Variants in ERC2 observed in about 807,000 individuals in gnomAD.
The protein encoded by ERC2 is ERC protein 2.
A neutral mutation model predicts 114.8 loss-of-function variants in ERC2; 42 were observed. The ratio of observed to expected loss-of-function variants is 0.37; its 90% CI spans 0.29 to 0.47. The LOEUF (loss-of-function observed/expected upper bound fraction) is 0.47. Among genes scored for constraint, ERC2 ranks in the 20% least tolerant of loss-of-function variants. The probability of loss-of-function intolerance (pLI) is 0.99; values close to 1 mark genes in which losing one functional copy is unlikely to be tolerated. For missense variants in ERC2, 939 were observed against 1,150.7 expected (o/e 0.82, Z 2.66); for synonymous variants, 454 against 425.5 (o/e 1.07, Z -0.82).
At chr3:56,380,688 G>C (rs1024568963) in intron 2 of ERC2, among the ~76,000 whole-genome samples, 1 of 152,214 alleles carries the variant, frequency 6.6e-6, no homozygotes, top group South Asian at 2.1e-4. Flanking sequence ...GTTTTTATAA[G>C]AAAATTAAGC....
chr3:56,445,330 C>T (rs2062510594), intron 1 of ERC2, among the ~76,000 whole-genome samples: 1 of 152,196 alleles, frequency 6.6e-6, no homozygotes, highest in African/African-American at 2.4e-5. Flanking sequence ...CATTCTTTTA[C>T]AATTCATTCT....
intron 3 of ERC2, among the ~76,000 whole-genome samples, chr3:56,186,693 C>T (rs2150058306): frequency 6.6e-6 from 1 of 152,186 alleles, no homozygotes; most frequent in East Asian, 1.9e-4. Flanking sequence ...TGCCTGCCAC[C>T]ATGCCTGGCT....
At chr3:56,450,598 G>A (rs766577248) in intron 1 of ERC2, among the ~76,000 whole-genome samples, 9 of 152,260 alleles carry the variant, frequency 5.9e-5, no homozygotes, top group Admixed American at 2.6e-4. Context: ...AGACCAAGGT[G>A]GGAGGATCAC....
intron 4 of ERC2, among the ~76,000 whole-genome samples, chr3:56,153,367 G>A (rs1560267925): frequency 6.6e-6 from 1 of 152,076 alleles, no homozygotes; most frequent in Non-Finnish European, 1.5e-5. Flanking sequence ...AAAATCTCAG[G>A]CCCCAACTCA....
chr3:56,308,494 C>T (rs1345712436), intron 2 of ERC2, among the ~76,000 whole-genome samples: 1 of 152,088 alleles, frequency 6.6e-6, no homozygotes, highest in Non-Finnish European at 1.5e-5. Flanking sequence ...GTCTAAAACA[C>T]AGAAAGGTAA....
At chr3:55,551,872 A>G (rs2055232291) in intron 17 of ERC2, among the ~76,000 whole-genome samples, 3 of 152,254 alleles carry the variant, frequency 2.0e-5, no homozygotes, top group South Asian at 2.1e-4. Context: ...AAAATTAAAC[A>G]TCACAACTTC....
At chr3:55,529,265 T>G (rs948712167) in intron 17 of ERC2, among the ~76,000 whole-genome samples, 4 of 152,220 alleles carry the variant, frequency 2.6e-5, no homozygotes, top group African/African-American at 9.6e-5. Context: ...ATCCACATTC[T>G]GAACCCAAGA....
intron 2 of ERC2, among the ~76,000 whole-genome samples, chr3:56,402,731 C>A (rs2060567617): frequency 6.6e-6 from 1 of 152,200 alleles, no homozygotes; most frequent in South Asian, 2.1e-4. Flanking sequence ...GGTTGAGCAT[C>A]ATTCCCTAAA....
At chr3:56,012,913 C>T (rs1167590486) in intron 8 of ERC2, among the ~76,000 whole-genome samples, 2 of 152,198 alleles carry the variant, frequency 1.3e-5, no homozygotes, top group Non-Finnish European at 2.9e-5. Flanking sequence ...GGCAAGCATT[C>T]CTTGTGCACT....
chr3:55,708,384 C>T (rs2063595951), intron 15 of ERC2, among the ~76,000 whole-genome samples: 1 of 152,302 alleles, frequency 6.6e-6, no homozygotes, highest in African/African-American at 2.4e-5. Context: ...ATGTTTCCAC[C>T]ACAAAGTTAC....
At chr3:55,913,296 C>A (rs540765164) in intron 13 of ERC2, among the ~76,000 whole-genome samples, 117 of 152,226 alleles carry the variant, frequency 7.7e-4, no homozygotes, top group Middle Eastern at 3.4e-3. Flanking sequence ...CTATAAGAAT[C>A]ACCTCCTGGG....
At chr3:55,680,060 G>A (rs890852850) in intron 17 of ERC2, among the ~76,000 whole-genome samples, 4 of 152,294 alleles carry the variant, frequency 2.6e-5, no homozygotes, top group Middle Eastern at 6.8e-3. Context: ...GTGTCTAAAT[G>A]TTCTGGGATT....
chr3:55,514,010 C>G (rs767499299), intron 17 of ERC2, among the ~76,000 whole-genome samples: 7 of 152,190 alleles, frequency 4.6e-5, no homozygotes, highest in Non-Finnish European at 7.3e-5. Flanking sequence ...ATCCGAATCC[C>G]TGGCACAGGG....
intron 17 of ERC2, 69 bp downstream of exon 17, chr3:55,683,725 G>A (rs908093787): frequency 1.1e-5 from 13 of 1,235,808 alleles, no homozygotes; most frequent in Middle Eastern, 1.9e-4. Context: ...GAGCACAATC[G>A]AGCACGCACA....
chr3:56,085,684 G>T (rs1405929983), intron 6 of ERC2, among the ~76,000 whole-genome samples: 2 of 152,094 alleles, frequency 1.3e-5, no homozygotes, highest in Non-Finnish European at 2.9e-5. Flanking sequence ...TATATCTGGT[G>T]AAAAAATATG....
intron 3 of ERC2, among the ~76,000 whole-genome samples, chr3:56,203,897 A>G (rs1041497801): frequency 2.0e-5 from 3 of 152,174 alleles, no homozygotes; most frequent in Non-Finnish European, 4.4e-5. Flanking sequence ...GAAAAAACTA[A>G]CAGGCCGGGC....
At chr3:55,942,246 A>G (rs1185095875) in intron 13 of ERC2, among the ~76,000 whole-genome samples, 2 of 132,062 alleles carry the variant, frequency 1.5e-5, no homozygotes, top group Non-Finnish European at 3.1e-5. Flanking sequence ...GCTTGTATTA[A>G]ATGAAGTCTA....
chr3:55,905,301 G>A (rs1013295159), intron 13 of ERC2, among the ~76,000 whole-genome samples: 18 of 152,104 alleles, frequency 1.2e-4, no homozygotes, highest in African/African-American at 3.9e-4. Flanking sequence ...GGTTGGTCTC[G>A]AACTCCTGAC....
intron 2 of ERC2, among the ~76,000 whole-genome samples, chr3:56,395,815 A>G (rs150539757): frequency 1.3e-5 from 2 of 152,310 alleles, no homozygotes; most frequent in African/African-American, 4.8e-5. Flanking sequence ...TTAAAAGGGA[A>G]ACTGGAGTTT....
Sources: gnomAD v4.1 joint callset for allele counts (sites outside exome capture counted in the v4.1 genomes callset) on GRCh38, gnomAD v4.1.1 for gene constraint, MANE v1.5 for transcripts, NCBI Gene and HGNC (gene_info 2026-07-23, HGNC 2026-07-21) for gene names.